PLXNA2: variants seen among roughly 807,000 people sequenced by gnomAD.
The protein encoded by PLXNA2 is plexin A2, also known as plexin-A2.
Under a neutral mutation model 193.5 loss-of-function variants are expected in PLXNA2, and 91 were observed. The observed-to-expected ratio is 0.47, with a 90% CI of 0.40 to 0.56. PLXNA2 has a LOEUF of 0.56. Among genes scored for constraint, PLXNA2 ranks in the 20% least tolerant of loss-of-function variants. The pLI is 0.00. For missense variants in PLXNA2, 1,995 were observed against 2,503.2 expected (o/e 0.80, Z 4.33); for synonymous variants, 997 against 1,027.3 (o/e 0.97, Z 0.56).
chr1:208,103,114 G>T, intron 5 of PLXNA2, 33 bp downstream of exon 5: 1 of 1,506,768 alleles, frequency 6.6e-7, no homozygotes, highest in Non-Finnish European at 9.2e-7. Context: ...TCTTCTGCAT[G>T]CCAAACCCTT....
intron 4 of PLXNA2, among the ~76,000 whole-genome samples, chr1:208,130,511 C>T (rs975211882): frequency 7.2e-5 from 11 of 152,228 alleles, no homozygotes; most frequent in African/African-American, 2.7e-4. Flanking sequence ...CCCAGGTCAG[C>T]CTCCGAGCGC....
At chr1:208,121,771 C>T (rs140930205) in intron 4 of PLXNA2, among the ~76,000 whole-genome samples, 3 of 152,278 alleles carry the variant, frequency 2.0e-5, no homozygotes, top group African/African-American at 7.2e-5. Flanking sequence ...GACACACACA[C>T]ATATGTACTC....
rs1027200420 is a variant in PLXNA2 at position 208,044,981 on chromosome 1, G to A, written c.3639+86C>T. The A allele has an allele frequency of 1.5e-5, 23 of 1,508,766 alleles. No individual in the cohort carries two copies. The highest frequency in any genetic ancestry group is 2.0e-4 in the Middle Eastern group (1 of 4,984). The allele number at this position is 1,508,766 out of a possible 1,614,324, so 93.5% of individuals were successfully genotyped here. ...ATATGGAGGGGGTGAGTCAGGCAAC[G>A]AGACAGAAGAGAGCCTTTCCTTAGG... On this transcript the variant is annotated intron_variant, in intron 19 of 31. Transcript: ENST00000367033. This position sits in a 1 kb window ranked among gnomAD's most constrained non-coding sequence, Gnocchi z 4.9.
chr1:208,215,601 T>C (rs1671098819), intron 2 of PLXNA2, among the ~76,000 whole-genome samples: 1 of 151,536 alleles, frequency 6.6e-6, no homozygotes, highest in Admixed American at 6.6e-5. Context: ...AATGGAGGTT[T>C]AGGTAAATAG....
rs767657452 is a variant in PLXNA2 at position 208,042,204 on chromosome 1, G to A, written c.4180C>T (p.Leu1394=). 1.9e-6 allele frequency: 3 copies of A among 1,614,266 alleles called. No homozygotes were observed. Among genetic ancestry groups the A allele is most frequent in the Admixed American group, 1.7e-5 (1 of 60,034 alleles). ...GNVASLIMTG[L]QGRLEYATDV... ...GTGGCATATTCCAGGCGGCCCTGCA[G>A]GCCGGTCATGATGAGCGAAGCCACG... The change falls in exon 22 of 32, where the codon CTG becomes TTG. Residue 1394 remains leucine (L), a synonymous_variant. Transcript: ENST00000367033.
Position 208,023,046 on chromosome 1 carries a change from T to A in PLXNA2, c.*4197A>T, listed in dbSNP as rs1301119895. 1.3e-5 allele frequency: 2 copies of A among 152,176 alleles called. No individual in the cohort carries two copies. The highest frequency in any genetic ancestry group is 2.9e-5 in the Non-Finnish European group (2 of 68,024). The allele number at this position is 152,176 out of a possible 1,614,324, so 9.4% of individuals were successfully genotyped here. ...TTCAGGGAAACTAGGGAAGAGAGAC[T>A]GAGTTATGGAAAGGATGCTACCATT... On this transcript the variant is annotated 3_prime_UTR_variant, in exon 32 of 32. Coordinates refer to ENST00000367033, the MANE Select transcript of PLXNA2 (RefSeq NM_025179.4).
At chr1:208,205,124 T>A (rs901945258) in intron 3 of PLXNA2, among the ~76,000 whole-genome samples, 1 of 152,226 alleles carries the variant, frequency 6.6e-6, no homozygotes, top group Admixed American at 6.5e-5. Context: ...TGTCCTGGCA[T>A]CTTTCACTTG....
chr1:208,130,516 G>T (rs1053939928), intron 4 of PLXNA2, among the ~76,000 whole-genome samples: 1 of 152,142 alleles, frequency 6.6e-6, no homozygotes, highest in Non-Finnish European at 1.5e-5. Flanking sequence ...GTCAGCCTCC[G>T]AGCGCTGTGC....
intron 3 of PLXNA2, among the ~76,000 whole-genome samples, chr1:208,183,238 C>T (rs757374906): frequency 4.9e-4 from 74 of 152,176 alleles, no homozygotes; most frequent in Non-Finnish European, 9.0e-4. Flanking sequence ...CCACTGATGG[C>T]TTATAAACCA....
At chr1:208,114,635 T>C (rs989699619) in intron 4 of PLXNA2, among the ~76,000 whole-genome samples, 1 of 152,270 alleles carries the variant, frequency 6.6e-6, no homozygotes, top group Non-Finnish European at 1.5e-5. Context: ...TCTTCTCCAC[T>C]ATCTCGCAGC....
chr1:208,214,760 T>C (rs1447958678), intron 2 of PLXNA2, among the ~76,000 whole-genome samples: 1 of 152,182 alleles, frequency 6.6e-6, no homozygotes, highest in East Asian at 1.9e-4. Context: ...AATCTCTCCA[T>C]GTATTATCTC....
At position 208,037,534 on chromosome 1, in the gene PLXNA2, G is replaced by A. The variant is rs182193970; in HGVS notation, c.4764+837C>T. On this transcript the variant is annotated intron_variant, in intron 26 of 31. Transcript: ENST00000367033. ...GACGATCCCACGGGTCTTGCAGCCT[G>A]AGGCGCTTCCTCTAGTTGGTTTAAT... is the stretch of plus-strand genomic sequence containing the variant. 3.7e-4 allele frequency among the ~76,000 whole-genome samples: 56 copies of A among 152,262 alleles called. 3 individuals are homozygous for A. The East Asian group carries it at 0.011, about 29-fold the overall frequency.
chr1:208,157,623 C>G (rs1419488096), intron 3 of PLXNA2, among the ~76,000 whole-genome samples: 1 of 152,110 alleles, frequency 6.6e-6, no homozygotes. Flanking sequence ...AAATGGAAAG[C>G]CAGTGGTTGA....
chr1:208,048,242 C>T (rs1056396921), intron 17 of PLXNA2, among the ~76,000 whole-genome samples: 1 of 152,202 alleles, frequency 6.6e-6, no homozygotes, highest in African/African-American at 2.4e-5. Context: ...TTCACTCTGG[C>T]CCTCCTAGCT....
chr1:208,220,481 G>C (rs189878792), intron 1 of PLXNA2, among the ~76,000 whole-genome samples: 73 of 152,182 alleles, frequency 4.8e-4, no homozygotes, highest in African/African-American at 1.7e-3. Context: ...CGCCCAGGCT[G>C]GAGTGCAGTG....
rs145940943 is a variant in PLXNA2 at position 208,089,316 on chromosome 1, A to C, written c.2097+3470T>G. ...CAAAGGACCAGGTTGAAGTCAGGCC[A>C]GCAAGTGTGGCTGTGACCATGGAAA... On this transcript the variant is annotated intron_variant, in intron 9 of 31. Coordinates refer to ENST00000367033, the MANE Select transcript of PLXNA2 (RefSeq NM_025179.4). Among the ~76,000 whole-genome samples the C allele has an allele frequency of 2.5e-4, 38 of 152,350 alleles. 1 individual carries two copies. Among genetic ancestry groups the C allele is most frequent in the African/African-American group, 8.4e-4 (35 of 41,576 alleles).
intron 12 of PLXNA2, among the ~76,000 whole-genome samples, chr1:208,078,520 T>A (rs1571891268): frequency 6.6e-6 from 1 of 152,146 alleles, no homozygotes; most frequent in South Asian, 2.1e-4. Context: ...TGGGCCTTTA[T>A]TCCTAGCCAC....
intron 3 of PLXNA2, among the ~76,000 whole-genome samples, chr1:208,203,975 C>T (rs185365220): frequency 6.6e-6 from 1 of 152,176 alleles, no homozygotes; most frequent in South Asian, 2.1e-4. Context: ...TCACAGTTTT[C>T]CTGGCTTTGC....
At position 208,211,421 on chromosome 1, in the gene PLXNA2, C is replaced by T. The variant is rs61816289; in HGVS notation, c.1189-959G>A. ...GTGAAAAAAAAATTGTGGCCGGGCA[C>T]GGTGGCTCACGCCTGTAATCCCAGC... On this transcript the variant is annotated intron_variant, in intron 2 of 31. Transcript: ENST00000367033. Among the ~76,000 whole-genome samples the T allele has an allele frequency of 1.0e-2, 1,516 of 152,192 alleles. 17 individuals carry two copies. Among genetic ancestry groups the T allele is most frequent in the Non-Finnish European group, 0.013 (889 of 68,010 alleles).
Sources: allele counts gnomAD v4.1 joint callset (sites outside exome capture counted in the v4.1 genomes callset), GRCh38; gene constraint gnomAD v4.1.1; non-coding constraint Gnocchi (gnomAD v3.1); transcripts MANE v1.5; gene names NCBI Gene and HGNC (gene_info 2026-07-23, HGNC 2026-07-21).